Variants in PTPRJ observed in about 807,000 individuals in gnomAD.
PTPRJ encodes the protein protein tyrosine phosphatase receptor type J, also known as receptor-type tyrosine-protein phosphatase eta.
PTPRJ carries 129 observed loss-of-function variants against 141.3 expected under a neutral mutation model. The observed-to-expected ratio is 0.91, with a 90% CI of 0.79 to 1.06. The LOEUF is 1.06. PTPRJ is among the 50% of genes least tolerant of loss of function. The probability of loss-of-function intolerance (pLI) is 0.00; values close to 1 mark genes in which losing one functional copy is unlikely to be tolerated. For missense variants in PTPRJ, 1,601 were observed against 1,679.7 expected, an observed-to-expected ratio of 0.95 and a Z score of 0.82; for synonymous variants, 610 against 640.5, an observed-to-expected ratio of 0.95 and a Z score of 0.72.
At chr11:47,986,256 G>A (rs1173843572) in intron 1 of PTPRJ, among the ~76,000 whole-genome samples, 1 of 152,158 alleles carries the variant, frequency 6.6e-6, no homozygotes, top group Non-Finnish European at 1.5e-5. Flanking sequence ...AGATAGACTG[G>A]GGTCTGGGAT....
chr11:48,088,628 A>AT (rs1855776593), intron 1 of PTPRJ, among the ~76,000 whole-genome samples: 1 of 152,176 alleles, frequency 6.6e-6, no homozygotes, highest in Non-Finnish European at 1.5e-5. Context: ...TGGGCCCTCT[A>AT]TAGAGGTCAT....
At chr11:48,018,672 G>C (rs937027899) in intron 1 of PTPRJ, among the ~76,000 whole-genome samples, 1 of 152,220 alleles carries the variant, frequency 6.6e-6, no homozygotes, top group Non-Finnish European at 1.5e-5. Context: ...CAGCGAGGGG[G>C]AGGGGCGTCG....
chr11:48,135,549 T>C (rs1239273588), intron 8 of PTPRJ, among the ~76,000 whole-genome samples: 2 of 143,834 alleles, frequency 1.4e-5, no homozygotes, highest in African/African-American at 2.6e-5. Context: ...TGGTGTGATA[T>C]CGGCTCACTG....
intron 1 of PTPRJ, among the ~76,000 whole-genome samples, chr11:47,988,511 A>G (rs1854109308): frequency 6.6e-6 from 1 of 151,608 alleles, no homozygotes. Flanking sequence ...ATGCCTGACC[A>G]TGACTAGTGT....
chr11:48,112,216 T>A (rs1313457542), intron 2 of PTPRJ, among the ~76,000 whole-genome samples: 1 of 152,194 alleles, frequency 6.6e-6, no homozygotes, highest in African/African-American at 2.4e-5. Context: ...ACACTCTGTT[T>A]GACAGAAGTT....
At position 48,155,970 on chromosome 11, in the gene PTPRJ, G is replaced by A. The variant is rs771284209; in HGVS notation, c.3304-15G>A. 1.4e-5 allele frequency: 23 copies of A among 1,608,290 alleles called. No individual in the cohort carries two copies. The highest frequency in any genetic ancestry group is 2.0e-5 in the Non-Finnish European group (23 of 1,175,224). ...GTTTCTTTGAGGTTGACTATGTGCTGTTTCCCATTTTTAGGGCTACCACTC... is the reference window on the plus strand; with the variant it reads ...GTTTCTTTGAGGTTGACTATGTGCTATTTCCCATTTTTAGGGCTACCACTC... On this transcript the variant is annotated splice_polypyrimidine_tract_variant and intron_variant, in intron 20 of 24. Transcript: ENST00000418331.
intron 3 of PTPRJ, among the ~76,000 whole-genome samples, chr11:48,117,662 G>A (rs1856604982): frequency 6.7e-6 from 1 of 149,144 alleles, no homozygotes; most frequent in African/African-American, 2.5e-5. Flanking sequence ...AATGTAGCAC[G>A]TTAAGGAACT....
intron 3 of PTPRJ, among the ~76,000 whole-genome samples, chr11:48,115,492 C>T (rs1223640845): frequency 6.6e-6 from 1 of 152,046 alleles, no homozygotes; most frequent in African/African-American, 2.4e-5. Flanking sequence ...AAGACTTTAC[C>T]AGAGAAACAA....
At chr11:48,150,403 G>A (rs931843189) in intron 18 of PTPRJ, among the ~76,000 whole-genome samples, 1 of 152,164 alleles carries the variant, frequency 6.6e-6, no homozygotes, top group Admixed American at 6.5e-5. Flanking sequence ...ACACAAACAG[G>A]TTACATTAAA....
At chr11:48,030,616 G>A (rs1055744942) in intron 1 of PTPRJ, among the ~76,000 whole-genome samples, 6 of 152,202 alleles carry the variant, frequency 3.9e-5, no homozygotes, top group Non-Finnish European at 8.8e-5. Flanking sequence ...GGTGGTGTGT[G>A]CCTGTAATCC....
At chr11:48,159,865 T>A in intron 21 of PTPRJ, 65 bp from the exon 22 acceptor site, 1 of 1,590,064 alleles carries the variant, frequency 6.3e-7, no homozygotes, top group Non-Finnish European at 8.6e-7. Context: ...GTCTCCCTTG[T>A]GAGGTTTTAG....
chr11:48,011,941 G>A (rs1854804217), intron 1 of PTPRJ, among the ~76,000 whole-genome samples: 1 of 152,188 alleles, frequency 6.6e-6, no homozygotes, highest in Admixed American at 6.5e-5. Flanking sequence ...TGACATTATA[G>A]GTGTGAGCCA....
At chr11:48,112,653 C>T (rs776432084) in intron 2 of PTPRJ, 94 bp from the exon 3 acceptor site, 134 of 879,426 alleles carry the variant, frequency 1.5e-4, no homozygotes, top group Middle Eastern at 1.5e-3. Context: ...TCCAAGTGTG[C>T]ATTTCATTTC....
At chr11:48,005,672 T>C (rs1854603418) in intron 1 of PTPRJ, among the ~76,000 whole-genome samples, 1 of 152,156 alleles carries the variant, frequency 6.6e-6, no homozygotes, top group Non-Finnish European at 1.5e-5. Flanking sequence ...TGTCTACCAG[T>C]GTTTGTGTGG....
intron 1 of PTPRJ, among the ~76,000 whole-genome samples, chr11:48,033,639 C>G (rs1172458080): frequency 6.6e-6 from 1 of 152,158 alleles, no homozygotes; most frequent in Non-Finnish European, 1.5e-5. Flanking sequence ...GGAAATCCCT[C>G]AGAATGATGA....
At chr11:48,113,011 GT>G (rs1565309201) in intron 3 of PTPRJ, 28 bp downstream of exon 3, 2 of 1,530,758 alleles carry the variant, frequency 1.3e-6, no homozygotes, top group Non-Finnish European at 1.8e-6. Context: ...TGCCAGTCAT[GT>G]TTCTTAAAGG....
chr11:48,062,924 A>G (rs1211010045), intron 1 of PTPRJ, among the ~76,000 whole-genome samples: 2 of 152,228 alleles, frequency 1.3e-5, no homozygotes, highest in Non-Finnish European at 2.9e-5. Context: ...ACTACTAGCT[A>G]TGCAGAAGCA....
intron 1 of PTPRJ, among the ~76,000 whole-genome samples, chr11:48,001,662 T>TGTCAA (rs897900804): frequency 6.6e-5 from 10 of 152,230 alleles, no homozygotes; most frequent in Middle Eastern, 3.4e-3. Flanking sequence ...GACACCCTAA[T>TGTCAA]GAGGTAGGTC....
intron 1 of PTPRJ, among the ~76,000 whole-genome samples, chr11:48,062,395 A>G (rs931271689): frequency 6.6e-6 from 1 of 151,698 alleles, no homozygotes; most frequent in Non-Finnish European, 1.5e-5. Context: ...CGCCTGTAGT[A>G]CCAGCTACTT....
Sources: allele counts gnomAD v4.1 joint callset (sites outside exome capture counted in the v4.1 genomes callset), GRCh38; gene constraint gnomAD v4.1.1; transcripts MANE v1.5; gene names NCBI Gene and HGNC (gene_info 2026-07-23, HGNC 2026-07-21).